Variants in MAGI2 observed in about 807,000 individuals in gnomAD.
The protein encoded by MAGI2 is membrane-associated guanylate kinase, WW and PDZ domain-containing protein 2.
Under a neutral mutation model 133.3 loss-of-function variants are expected in MAGI2, and 35 were observed. The observed-to-expected ratio is 0.26, with a 90% confidence interval of 0.20 to 0.35. The LOEUF (loss-of-function observed/expected upper bound fraction) is 0.35. Among genes scored for constraint, MAGI2 ranks in the 10% least tolerant of loss-of-function variants. The pLI, the probability that MAGI2 is intolerant of heterozygous loss-of-function variation, is 1.00. For missense variants in MAGI2, 1,636 were observed against 1,863.4 expected (o/e 0.88, Z 2.25); for synonymous variants, 729 against 710.6 (o/e 1.03, Z -0.41).
At chr7:78,819,978 A>T (rs180975529) in intron 2 of MAGI2, among the ~76,000 whole-genome samples, 1 of 152,134 alleles carries the variant, frequency 6.6e-6, no homozygotes, top group Admixed American at 6.5e-5. Flanking sequence ...GACACAATAC[A>T]TCTATTTAGT....
intron 2 of MAGI2, among the ~76,000 whole-genome samples, chr7:78,999,999 A>T (rs1216846895): frequency 2.0e-5 from 3 of 152,212 alleles, no homozygotes; most frequent in African/African-American, 7.2e-5. Flanking sequence ...TGCCAAATTG[A>T]TGATTCTTAT....
chr7:78,906,092 G>T (rs1451961686), intron 2 of MAGI2, among the ~76,000 whole-genome samples: 1 of 152,172 alleles, frequency 6.6e-6, no homozygotes, highest in Non-Finnish European at 1.5e-5. Context: ...GGTAGGAAAA[G>T]ATATTTCTGA....
At position 78,662,632 on chromosome 7, in the gene MAGI2, C is replaced by T. The variant is rs568567198; in HGVS notation, c.419-35393G>A. Among the ~76,000 whole-genome samples, 10 of 152,108 alleles carry T rather than the reference C, an allele frequency of 6.6e-5. No individual in the cohort carries two copies. In the South Asian group the frequency reaches 1.9e-3, roughly 28 times the overall value. On this transcript the variant is annotated intron_variant, in intron 2 of 21. Transcript: ENST00000354212. Reference sequence around the variant, plus strand: ...GGAATTCAATTCTATAGTGTGTCTACACCATCATTGCACTTCTGTAAAATA... The same window carrying T: ...GGAATTCAATTCTATAGTGTGTCTATACCATCATTGCACTTCTGTAAAATA...
chr7:78,309,486 T>A (rs1439329412), intron 9 of MAGI2, among the ~76,000 whole-genome samples: 2 of 152,058 alleles, frequency 1.3e-5, no homozygotes, highest in Non-Finnish European at 2.9e-5. Flanking sequence ...CAGCTAAGCA[T>A]TGGGTATACA....
chr7:78,333,642 T>C (rs904490677), intron 9 of MAGI2, among the ~76,000 whole-genome samples: 2 of 152,198 alleles, frequency 1.3e-5, no homozygotes, highest in African/African-American at 2.4e-5. Flanking sequence ...CCTTCCCTTT[T>C]GCTCTCTCAA....
chr7:78,698,498 A>G (rs1817737242), intron 2 of MAGI2, among the ~76,000 whole-genome samples: 1 of 152,194 alleles, frequency 6.6e-6, no homozygotes, highest in South Asian at 2.1e-4. Context: ...TATTTATGGC[A>G]TGTCATGTTT....
intron 16 of MAGI2, chr7:78,158,141 A>C (rs1250763296): frequency 1.3e-5 from 2 of 151,998 alleles, no homozygotes; most frequent in African/African-American, 2.4e-5. Context: ...CCCCTCCCCT[A>C]TCCCACATGT....
intron 1 of MAGI2, among the ~76,000 whole-genome samples, chr7:79,041,973 A>C (rs1462564356): frequency 6.6e-6 from 1 of 152,176 alleles, no homozygotes; most frequent in East Asian, 1.9e-4. Context: ...GAAACAACTA[A>C]GAATTAAAAA....
intron 2 of MAGI2, among the ~76,000 whole-genome samples, chr7:78,868,189 GCATA>G (rs1298342895): frequency 2.7e-5 from 4 of 150,428 alleles, no homozygotes; most frequent in African/African-American, 9.9e-5. Flanking sequence ...ATGGAAAATG[GCATA>G]CTTAATTAAG....
At chr7:78,618,064 T>C (rs115718494) in intron 3 of MAGI2, 1 of 152,164 alleles carries the variant, frequency 6.6e-6, no homozygotes, top group African/African-American at 2.4e-5. Flanking sequence ...AAATCATTAA[T>C]GCATAGAACA....
At chr7:78,272,113 A>T (rs57500811) in intron 9 of MAGI2, among the ~76,000 whole-genome samples, 7 of 152,058 alleles carry the variant, frequency 4.6e-5, no homozygotes, top group Non-Finnish European at 1.0e-4. Flanking sequence ...ACACTGCTTA[A>T]ATGTGTCCCA....
chr7:78,507,215 G>T (rs1795166156), intron 4 of MAGI2, among the ~76,000 whole-genome samples: 1 of 151,504 alleles, frequency 6.6e-6, no homozygotes, highest in Admixed American at 6.6e-5. Context: ...CAAAAAAAAT[G>T]AATAAGGCAA....
Position 78,757,523 on chromosome 7 carries a change from T to C in MAGI2, c.419-130284A>G, listed in dbSNP as rs112989044. Among the ~76,000 whole-genome samples the C allele has an allele frequency of 4.0e-4, 61 of 152,326 alleles. 1 individual carries two copies. Among genetic ancestry groups the C allele is most frequent in the African/African-American group, 1.4e-3 (60 of 41,574 alleles). On this transcript the variant is annotated intron_variant, in intron 2 of 21. Coordinates refer to ENST00000354212, the MANE Select transcript of MAGI2 (RefSeq NM_012301.4). Reference sequence around the variant, plus strand: ...AGCAAAATAAAACTTAAAAGAATTATCTGAATTCTCTATCTCCATTTCCGT... The same window carrying C: ...AGCAAAATAAAACTTAAAAGAATTACCTGAATTCTCTATCTCCATTTCCGT...
chr7:78,844,135 G>C (rs1792384408), intron 2 of MAGI2, among the ~76,000 whole-genome samples: 1 of 150,898 alleles, frequency 6.6e-6, no homozygotes, highest in African/African-American at 2.4e-5. Context: ...AAGTTTTTCT[G>C]TTTCCTAGTC....
chr7:79,186,791 G>GTATA (rs71095385), intron 1 of MAGI2, among the ~76,000 whole-genome samples: 37 of 124,280 alleles, frequency 3.0e-4, no homozygotes, highest in East Asian at 1.2e-3. Context: ...ACACACAAAA[G>GTATA]TATATATATA....
At chr7:78,444,451 C>T (rs1042830236) in intron 6 of MAGI2, among the ~76,000 whole-genome samples, 1 of 151,966 alleles carries the variant, frequency 6.6e-6, no homozygotes, top group Admixed American at 6.6e-5. Flanking sequence ...ACACTCATAC[C>T]CAGCAATCTT....
chr7:79,000,363 A>C (rs986349181), intron 2 of MAGI2: 1 of 152,214 alleles, frequency 6.6e-6, no homozygotes, highest in African/African-American at 2.4e-5. Flanking sequence ...AATTAGATTC[A>C]TTCATATCCA....
intron 6 of MAGI2, among the ~76,000 whole-genome samples, chr7:78,402,150 C>T (rs1054522157): frequency 3.9e-5 from 6 of 152,126 alleles, no homozygotes; most frequent in African/African-American, 1.4e-4. Flanking sequence ...TTGAGAAGTC[C>T]AGCACTGTGC....
At chr7:78,903,224 C>T (rs1405640775) in intron 2 of MAGI2, among the ~76,000 whole-genome samples, 61 of 109,398 alleles carry the variant, frequency 5.6e-4, no homozygotes, top group Admixed American at 7.3e-4. Flanking sequence ...GACAGAGTCT[C>T]GCTCTTTCGC....
Sources: gnomAD v4.1 joint callset for allele counts (sites outside exome capture counted in the v4.1 genomes callset) on GRCh38, gnomAD v4.1.1 for gene constraint, MANE v1.5 for transcripts, NCBI Gene and HGNC (gene_info 2026-07-23, HGNC 2026-07-21) for gene names.